DNAJC7: variants seen among roughly 807,000 people sequenced by gnomAD.
DNAJC7 encodes the protein DnaJ heat shock protein family (Hsp40) member C7.
DNAJC7 carries 18 observed loss-of-function variants against 67.4 expected under a neutral mutation model. The observed-to-expected ratio is 0.27, with a 90% CI of 0.18 to 0.40. DNAJC7 has a LOEUF of 0.40. DNAJC7 is among the 10% of genes least tolerant of loss of function. The probability of loss-of-function intolerance (pLI) is 1.00; values close to 1 mark genes in which losing one functional copy is unlikely to be tolerated. For synonymous variants in DNAJC7, 220 were observed against 207.8 expected (o/e 1.06, Z -0.50); for missense variants, 419 against 613.8 (o/e 0.68, Z 3.35).
intron 8 of DNAJC7, among the ~76,000 whole-genome samples, chr17:41,988,505 G>C (rs1045647750): frequency 1.1e-4 from 16 of 152,336 alleles, no homozygotes; most frequent in African/African-American, 3.6e-4. Flanking sequence ...TGGAGGAAAG[G>C]GACCTTAATG....
rs185937374 is a variant in DNAJC7 at position 41,981,407 on chromosome 17, G to A, written c.1384+448C>T. On this transcript the variant is annotated intron_variant, in intron 12 of 13. Transcript: ENST00000457167. Reference sequence around the variant, plus strand: ...GACGAGGTTTCACCATGTTGGCCAGGCTGGTCTCAAACTCCTGACCTGGTG... The same window carrying A: ...GACGAGGTTTCACCATGTTGGCCAGACTGGTCTCAAACTCCTGACCTGGTG... 5.6e-4 allele frequency among the ~76,000 whole-genome samples: 86 copies of A among 152,246 alleles called. No homozygotes were observed. In the East Asian group the frequency reaches 0.015, roughly 26 times the overall value.
Position 41,982,253 on chromosome 17 carries a change from A to AC in DNAJC7, c.1231+1dup. The AC allele has an allele frequency of 6.2e-7, 1 of 1,613,696 alleles. No individual in the cohort carries two copies. ...TGAGCCCACTCCCCGCACCTACTCT[A>AC]CCTGGATGGTGCATCAAGGCCCGTT... On this transcript the variant is annotated splice_donor_variant, in intron 11 of 13. Transcript: ENST00000457167. LOFTEE classifies it high-confidence loss of function.
At chr17:41,991,253 A>G (rs2051504946) in intron 5 of DNAJC7, among the ~76,000 whole-genome samples, 1 of 152,182 alleles carries the variant, frequency 6.6e-6, no homozygotes, top group Non-Finnish European at 1.5e-5. Flanking sequence ...GAGTTAAGGG[A>G]CACCTATTCC....
At chr17:42,010,201 A>T (rs2052079028) in intron 1 of DNAJC7, among the ~76,000 whole-genome samples, 1 of 140,086 alleles carries the variant, frequency 7.1e-6, no homozygotes, top group Non-Finnish European at 1.5e-5. Flanking sequence ...GCTACTTCCT[A>T]GGCCGGGTGC....
chr17:42,013,444 G>C (rs1425289340), intron 1 of DNAJC7: 2 of 152,234 alleles, frequency 1.3e-5, no homozygotes, highest in Admixed American at 1.3e-4. Context: ...CTTAGCAGCA[G>C]CAGGACATGT....
rs1328441678 is a variant in DNAJC7, at chr17:41,990,287, A to G, written c.576T>C (p.Tyr192=). 3.7e-6 allele frequency: 6 copies of G among 1,610,520 alleles called. No individual in the cohort carries two copies. The highest frequency in any genetic ancestry group is 5.1e-6 in the Non-Finnish European group (6 of 1,178,502). ...KAECLAMLGR[Y]PEAQSVASDI... is the part of the protein sequence containing the mutation. Reference sequence around the variant, plus strand: ...ACCTAGCCACAGACTGTGCTTCTGGATAACGACCCAGCATTGCTAAACATT... The same window carrying G: ...ACCTAGCCACAGACTGTGCTTCTGGGTAACGACCCAGCATTGCTAAACATT... The change falls in exon 6 of 14, where the codon TAT becomes TAC. Residue 192 remains tyrosine, a synonymous_variant. Transcript: ENST00000457167.
At chr17:41,978,094 T>C (rs907753535) in intron 12 of DNAJC7, among the ~76,000 whole-genome samples, 2 of 152,156 alleles carry the variant, frequency 1.3e-5, no homozygotes, top group Non-Finnish European at 2.9e-5. Context: ...CATATGTAGG[T>C]GGTTCAAGTA....
intron 5 of DNAJC7, among the ~76,000 whole-genome samples, chr17:41,993,874 T>TG (rs1555648172): frequency 2.2e-5 from 3 of 139,046 alleles, no homozygotes; most frequent in Non-Finnish European, 4.6e-5. Context: ...CCGTCTCTAC[T>TG]AAAAAAAAAA....
chr17:42,008,724 T>G (rs4796627), intron 1 of DNAJC7, among the ~76,000 whole-genome samples: 118,134 of 151,684 alleles, frequency 0.78, 46,699 homozygotes, highest in Admixed American at 0.86. Context: ...ATATATTTTT[T>G]GAGACAGACT....
intron 12 of DNAJC7, among the ~76,000 whole-genome samples, chr17:41,979,489 T>C (rs2051186266): frequency 6.8e-6 from 1 of 147,622 alleles, no homozygotes; most frequent in Non-Finnish European, 1.5e-5. Context: ...CCGGCCAACA[T>C]GGTGAAACCC....
At chr17:42,004,805 T>C (rs1267147949) in intron 1 of DNAJC7, among the ~76,000 whole-genome samples, 1 of 152,194 alleles carries the variant, frequency 6.6e-6, no homozygotes, top group Non-Finnish European at 1.5e-5. Context: ...GAAGACTGCT[T>C]GAGTGCAGGA....
At chr17:42,016,707 T>G (rs1227563270) in intron 1 of DNAJC7, 1 of 165,080 alleles carries the variant, frequency 6.1e-6, no homozygotes, top group Non-Finnish European at 1.3e-5. Flanking sequence ...AGAACAGTGC[T>G]GGGAAGGATA....
At chr17:41,977,148 G>A in intron 13 of DNAJC7, 113 bp downstream of exon 13, 2 of 1,080,090 alleles carry the variant, frequency 1.9e-6, no homozygotes, top group Non-Finnish European at 2.7e-6. Context: ...TGCTAGATGA[G>A]AATTCAGCTG....
At chr17:41,993,826 C>T (rs1233511907) in intron 5 of DNAJC7, among the ~76,000 whole-genome samples, 6 of 141,430 alleles carry the variant, frequency 4.2e-5, no homozygotes, top group East Asian at 2.1e-4. Context: ...CACCTGAGGT[C>T]GGGAGTACGA....
Position 41,997,203 on chromosome 17 carries a change from C to A in DNAJC7, c.203G>T (p.Arg68Leu). The A allele has an allele frequency of 6.2e-7, 1 of 1,613,760 alleles. No individual in the cohort carries two copies. Among genetic ancestry groups the A allele is most frequent in the South Asian group, 1.1e-5 (1 of 91,044 alleles). ...CPKNASYYGN[R>L]AATLMMLGRF... The stretch of plus-strand genomic sequence containing the variant: ...TCCAAGCATCATCAAGGTGGCTGCT[C>A]GATTACCATAATAGCTAGCATTTTT... Residue 68 changes from arginine to leucine, a missense_variant, in exon 3 of 14, where the codon CGA becomes CTA. This residue lies in a region of DNAJC7 where 179 missense variants were observed against 249.7 expected (regional missense o/e 0.72). Coordinates refer to ENST00000457167, the MANE Select transcript of DNAJC7 (RefSeq NM_003315.4).
chr17:41,976,977 T>C (rs994644315), intron 13 of DNAJC7: 3 of 657,590 alleles, frequency 4.6e-6, no homozygotes, highest in Non-Finnish European at 5.1e-6. Flanking sequence ...CTCAGCATTA[T>C]CTATATAGTA....
intron 9 of DNAJC7, chr17:41,986,010 G>A (rs537906813): frequency 8.7e-6 from 1 of 115,538 alleles, no homozygotes; most frequent in Non-Finnish European, 1.6e-5. Context: ...TATCCTCCGA[G>A]CAAATCAAGA....
rs199951187 is a variant in DNAJC7 at position 41,990,359 on chromosome 17, G to A, written c.504C>T (p.Ala168=). The A allele has an allele frequency of 9.9e-6, 16 of 1,610,206 alleles. No individual in the cohort carries two copies. The highest frequency in any genetic ancestry group is 1.7e-4 in the Middle Eastern group (1 of 6,058). The change falls in exon 6 of 14, where the codon GCC becomes GCT. Residue 168 remains alanine (A), a synonymous_variant. Coordinates refer to ENST00000457167, the MANE Select transcript of DNAJC7 (RefSeq NM_003315.4). The part of the protein sequence containing the change: ...FRKVVFCMDR[A]LEFAPACHRF... ...GATGGCAGGCAGGGGCAAATTCTAG[G>A]GCACGGTCCATGCAGAAAACAACCT...
rs534841809 is a variant in DNAJC7, at chr17:41,976,620, G to A, written c.*113C>T. The A allele has an allele frequency of 1.2e-4, 165 of 1,410,578 alleles. No homozygotes were observed. Among genetic ancestry groups the A allele is most frequent in the African/African-American group, 3.9e-4 (27 of 68,532 alleles). 87.4% of individuals were successfully genotyped at this position (1,410,578 alleles called of 1,614,324 possible). A position where few individuals can be genotyped will look rare whatever the true frequency, so the allele number is the denominator to read the frequency against. On this transcript the variant is annotated 3_prime_UTR_variant, in exon 14 of 14. Coordinates refer to ENST00000457167, the MANE Select transcript of DNAJC7 (RefSeq NM_003315.4). Reference sequence around the variant, plus strand: ...ACACAGGGCATCCAACTGAGAAAACGAAACTGCTCTAAGCACACGGAGACG... The same window carrying A: ...ACACAGGGCATCCAACTGAGAAAACAAAACTGCTCTAAGCACACGGAGACG...
Sources: allele counts gnomAD v4.1 joint callset (sites outside exome capture counted in the v4.1 genomes callset), GRCh38; gene constraint gnomAD v4.1.1; regional missense constraint gnomAD v4.1.1; transcripts MANE v1.5; gene names NCBI Gene and HGNC (gene_info 2026-07-23, HGNC 2026-07-21).